Variants in SDK1 observed in about 807,000 individuals in gnomAD.
The protein encoded by SDK1 is protein sidekick-1.
Under a neutral mutation model 245.5 loss-of-function variants are expected in SDK1, and 157 were observed. The ratio of observed to expected loss-of-function variants is 0.64; its 90% CI spans 0.56 to 0.73. SDK1 has a LOEUF of 0.73. SDK1 is among the 30% of genes least tolerant of loss of function. The probability of loss-of-function intolerance (pLI) is 0.00; values close to 1 mark genes in which losing one functional copy is unlikely to be tolerated. For synonymous variants in SDK1, 1,647 were observed against 1,278.5 expected, an observed-to-expected ratio of 1.29 and a Z score of -6.15; for missense variants, 3,583 against 3,002.3, an observed-to-expected ratio of 1.19 and a Z score of -4.52.
At chr7:3,366,873 C>G (rs1781106889) in intron 1 of SDK1, among the ~76,000 whole-genome samples, 1 of 152,100 alleles carries the variant, frequency 6.6e-6, no homozygotes, top group African/African-American at 2.4e-5. Flanking sequence ...TCCCAAGTAA[C>G]TGGGATTACA....
intron 4 of SDK1, among the ~76,000 whole-genome samples, chr7:3,817,922 A>C (rs1024471261): frequency 6.6e-6 from 1 of 152,248 alleles, no homozygotes; most frequent in African/African-American, 2.4e-5. Flanking sequence ...TTTGCTCATC[A>C]GTCTCAGCAA....
chr7:3,375,112 T>C (rs148659269), intron 1 of SDK1, among the ~76,000 whole-genome samples: 5 of 152,222 alleles, frequency 3.3e-5, no homozygotes, highest in Middle Eastern at 3.4e-3. Flanking sequence ...CGATAGTGTC[T>C]ACCACGGTTT....
intron 5 of SDK1, among the ~76,000 whole-genome samples, chr7:3,938,645 C>CAAAAAAAAAAAAAAAAAAAAAAAAAAA (rs559065786): frequency 9.9e-5 from 9 of 90,566 alleles, no homozygotes; most frequent in African/African-American, 4.3e-4. Flanking sequence ...GACTCCGTCT[C>CAAAAAAAAAAAAAAAAAAAAAAAAAAA]AAAAAAAAAA....
chr7:3,630,885 TAACTAA>T (rs1443628641), intron 2 of SDK1, among the ~76,000 whole-genome samples: 1 of 152,024 alleles, frequency 6.6e-6, no homozygotes, highest in East Asian at 1.9e-4. Flanking sequence ...ACAAATTACA[TAACTAA>T]AATCTAAAAT....
intron 1 of SDK1, among the ~76,000 whole-genome samples, chr7:3,526,190 A>G (rs1205422221): frequency 3.3e-5 from 5 of 152,036 alleles, no homozygotes; most frequent in Admixed American, 3.3e-4. Context: ...CCGAGATCGC[A>G]TCACTGAACT....
At chr7:3,692,671 G>A (rs567454671) in intron 4 of SDK1, among the ~76,000 whole-genome samples, 2 of 151,174 alleles carry the variant, frequency 1.3e-5, no homozygotes, top group African/African-American at 4.9e-5. Context: ...GAATTACTTG[G>A]TCAAAGGGTA....
At chr7:3,581,598 A>G (rs1056059724) in intron 1 of SDK1, among the ~76,000 whole-genome samples, 14 of 152,142 alleles carry the variant, frequency 9.2e-5, no homozygotes, top group African/African-American at 2.7e-4. Context: ...TGATTCCTCA[A>G]AGAGCTAAAA....
At chr7:3,521,038 G>T (rs571418085) in intron 1 of SDK1, among the ~76,000 whole-genome samples, 42 of 152,274 alleles carry the variant, frequency 2.8e-4, no homozygotes, top group African/African-American at 9.9e-4. Context: ...AATCTCTGAG[G>T]ATGAGTCTTC....
intron 4 of SDK1, among the ~76,000 whole-genome samples, chr7:3,772,293 G>A (rs1213052149): frequency 1.3e-5 from 2 of 150,576 alleles, no homozygotes; most frequent in African/African-American, 4.9e-5. Flanking sequence ...TAGTTACTAT[G>A]CAGATGACAT....
chr7:4,088,536 C>T (rs554492332), intron 22 of SDK1, among the ~76,000 whole-genome samples: 5 of 150,100 alleles, frequency 3.3e-5, no homozygotes. Context: ...CTTTTCTGAT[C>T]CTGATTTCCT....
intron 6 of SDK1, among the ~76,000 whole-genome samples, chr7:3,951,435 A>G (rs1309176852): frequency 1.3e-5 from 2 of 152,158 alleles, no homozygotes; most frequent in Admixed American, 6.5e-5. Context: ...GTGTCCCCTC[A>G]CAGTATTTAT....
chr7:3,992,462 G>T (rs536544432), intron 14 of SDK1, among the ~76,000 whole-genome samples: 1 of 152,274 alleles, frequency 6.6e-6, no homozygotes, highest in East Asian at 1.9e-4. Flanking sequence ...ATTGAGGAGG[G>T]CAGAGGGTCA....
At chr7:3,841,985 A>C (rs1325877430) in intron 5 of SDK1, among the ~76,000 whole-genome samples, 1 of 152,214 alleles carries the variant, frequency 6.6e-6, no homozygotes, top group Non-Finnish European at 1.5e-5. Flanking sequence ...CCACCTCTTT[A>C]GTACTGACAC....
intron 1 of SDK1, among the ~76,000 whole-genome samples, chr7:3,307,442 C>T (rs10268249): frequency 0.39 from 59,900 of 152,036 alleles, 12,677 homozygotes; most frequent in South Asian, 0.5. Context: ...TACCTGAGAT[C>T]TGTTCTGGAG....
intron 4 of SDK1, among the ~76,000 whole-genome samples, chr7:3,669,713 T>C (rs1783638147): frequency 6.6e-6 from 1 of 152,178 alleles, no homozygotes; most frequent in South Asian, 2.1e-4. Flanking sequence ...ATACCAACTA[T>C]AGCACTTGCA....
chr7:3,705,714 A>C (rs1562384936), intron 4 of SDK1, among the ~76,000 whole-genome samples: 1 of 150,540 alleles, frequency 6.6e-6, no homozygotes, highest in Non-Finnish European at 1.5e-5. Flanking sequence ...CAATAATTTG[A>C]CTCTCTCTTT....
At chr7:3,913,385 C>T (rs1271782248) in intron 5 of SDK1, among the ~76,000 whole-genome samples, 1 of 151,814 alleles carries the variant, frequency 6.6e-6, no homozygotes, top group Non-Finnish European at 1.5e-5. Flanking sequence ...CCTCCGCCTC[C>T]CAGGTTCACG....
chr7:3,764,721 C>T (rs1443463488), intron 4 of SDK1, among the ~76,000 whole-genome samples: 1 of 151,782 alleles, frequency 6.6e-6, no homozygotes, highest in Non-Finnish European at 1.5e-5. Flanking sequence ...TCATCCTAAA[C>T]ATACAATTTA....
chr7:3,611,765 A>G (rs73039611), intron 1 of SDK1, among the ~76,000 whole-genome samples: 2,475 of 152,168 alleles, frequency 0.016, 42 homozygotes, highest in South Asian at 0.025. Context: ...GCAAATCGAA[A>G]CCACAATGCT....
Sources: allele counts gnomAD v4.1 joint callset (sites outside exome capture counted in the v4.1 genomes callset), GRCh38; gene constraint gnomAD v4.1.1; transcripts MANE v1.5; gene names NCBI Gene and HGNC (gene_info 2026-07-23, HGNC 2026-07-21).